The following ZYG11A variants were observed in gnomAD, a reference collection of about 807,000 sequenced individuals.
The protein encoded by ZYG11A is zyg-11 family member A, cell cycle regulator, also known as protein zyg-11 homolog A.
ZYG11A carries 62 observed loss-of-function variants against 77.2 expected under a neutral mutation model. The observed-to-expected ratio is 0.80, with a 90% CI of 0.65 to 0.99. The LOEUF (loss-of-function observed/expected upper bound fraction) is 0.99, where lower values mean the gene tolerates loss of function less well. ZYG11A is among the 50% of genes least tolerant of loss of function. The pLI is 0.00. For synonymous variants in ZYG11A, 315 were observed against 324.6 expected (o/e 0.97, Z 0.32); for missense variants, 828 against 896.8 (o/e 0.92, Z 0.98).
chr1:52,860,726 T>A lies in ZYG11A; in HGVS notation c.1009-5T>A, dbSNP rs1645911423. The stretch of plus-strand genomic sequence containing the variant: ...AAACCTGTTTGGTAACATCTTTATT[T>A]TCAGGTTGCTGGAGGAGCCAGTATG... On this transcript the variant is annotated splice_polypyrimidine_tract_variant and splice_region_variant and intron_variant, in intron 3 of 13. Transcript: ENST00000371528. The A allele has an allele frequency of 6.5e-7, 1 of 1,549,802 alleles. No homozygotes were observed. Among genetic ancestry groups the A allele is most frequent in the Non-Finnish European group, 8.7e-7 (1 of 1,146,586 alleles).
intron 13 of ZYG11A, among the ~76,000 whole-genome samples, chr1:52,890,758 C>T (rs1646531690): frequency 6.6e-6 from 1 of 151,808 alleles, no homozygotes; most frequent in Admixed American, 6.6e-5. Context: ...GCATCACACC[C>T]AGCTAATTTT....
At chr1:52,845,157 C>T (rs1386420153) in intron 1 of ZYG11A, among the ~76,000 whole-genome samples, 1 of 152,034 alleles carries the variant, frequency 6.6e-6, no homozygotes, top group Non-Finnish European at 1.5e-5. Context: ...CCATCTTGAT[C>T]TCTAGCAATA....
chr1:52,865,968 C>A (rs150870597), intron 5 of ZYG11A, among the ~76,000 whole-genome samples: 7 of 132,060 alleles, frequency 5.3e-5, no homozygotes, highest in Non-Finnish European at 1.1e-4. Flanking sequence ...GATGGAGTCT[C>A]GCTCTGTCGC....
chr1:52,847,656 T>C (rs1645616860), intron 1 of ZYG11A, among the ~76,000 whole-genome samples: 1 of 151,212 alleles, frequency 6.6e-6, no homozygotes, highest in South Asian at 2.1e-4. Context: ...GTGTTTCCCC[T>C]GTACTGTACT....
chr1:52,869,867 C>T lies in ZYG11A; in HGVS notation c.1542+2090C>T, dbSNP rs531743117. On this transcript the variant is annotated intron_variant, in intron 8 of 13. Coordinates refer to ENST00000371528, the MANE Select transcript of ZYG11A (RefSeq NM_001004339.3). ...CTCCCGGACGGGACGGCTGACCCCCCCACACCTCCCTCCCGGACGGGGCGG... is the reference window on the plus strand; with the variant it reads ...CTCCCGGACGGGACGGCTGACCCCCTCACACCTCCCTCCCGGACGGGGCGG... Among the ~76,000 whole-genome samples, 366 of 149,084 alleles carry T rather than the reference C, an allele frequency of 2.5e-3. 7 individuals carry two copies. The highest frequency in any genetic ancestry group is 8.3e-3 in the African/African-American group (336 of 40,262).
chr1:52,861,059 G>A (rs1308957265), intron 4 of ZYG11A, among the ~76,000 whole-genome samples, 188 bp downstream of exon 4: 2 of 152,114 alleles, frequency 1.3e-5, no homozygotes, highest in Non-Finnish European at 2.9e-5. Flanking sequence ...GATTTATGTG[G>A]AATAAATTAG....
chr1:52,847,448 C>T (rs1645611495), intron 1 of ZYG11A, among the ~76,000 whole-genome samples: 1 of 151,738 alleles, frequency 6.6e-6, no homozygotes, highest in South Asian at 2.1e-4. Context: ...GATCGGCCCG[C>T]CTTGGCCTCC....
intron 1 of ZYG11A, among the ~76,000 whole-genome samples, chr1:52,845,370 A>G (rs1395081187): frequency 1.3e-5 from 2 of 151,278 alleles, no homozygotes; most frequent in African/African-American, 2.4e-5. Context: ...CAGTGGTACA[A>G]TCTTGACTCA....
In ZYG11A at chr1:52,864,133, G is replaced by C. The variant is rs753236773; in HGVS notation, c.1302G>C (p.Leu434=). 2 of 1,551,118 alleles carry C rather than the reference G, an allele frequency of 1.3e-6. No individual in the cohort carries two copies. The highest frequency in any genetic ancestry group is 1.7e-6 in the Non-Finnish European group (2 of 1,146,864). ...SEVTCLLFKA[L]KNFPHYQQLQ... ...TCACCTGTCTACTTTTCAAGGCTCTGAAAAATTTCCCCCATTACCAGCAGG... is the reference window on the plus strand; with the variant it reads ...TCACCTGTCTACTTTTCAAGGCTCTCAAAAATTTCCCCCATTACCAGCAGG... Residue 434 remains leucine, a synonymous_variant, in exon 5 of 14, where the codon CTG becomes CTC. Transcript: ENST00000371528.
At chr1:52,885,811 C>T in intron 11 of ZYG11A, 22 bp from the exon 12 acceptor site, 2 of 1,509,032 alleles carry the variant, frequency 1.3e-6, no homozygotes, top group Admixed American at 2.4e-5. Context: ...ATGTTGGTTT[C>T]TCTCTCTTGT....
chr1:52,851,651 C>G (rs1397073829), intron 1 of ZYG11A, among the ~76,000 whole-genome samples: 1 of 152,136 alleles, frequency 6.6e-6, no homozygotes, highest in Non-Finnish European at 1.5e-5. Context: ...CAGTCTGCCT[C>G]TGCCTCCCAA....
At chr1:52,869,985 G>A (rs1571862933) in intron 8 of ZYG11A, among the ~76,000 whole-genome samples, 1 of 148,536 alleles carries the variant, frequency 6.7e-6, no homozygotes, top group Non-Finnish European at 1.5e-5. Context: ...CCCCCCTCCC[G>A]GGCGGGGCGG....
At chr1:52,867,075 T>C (rs1646040847) in intron 6 of ZYG11A, among the ~76,000 whole-genome samples, 1 of 152,236 alleles carries the variant, frequency 6.6e-6, no homozygotes, top group African/African-American at 2.4e-5. Context: ...AAAACATTTA[T>C]AATAGTTGAC....
Position 52,842,933 on chromosome 1 carries a change from C to T in ZYG11A, c.50C>T (p.Pro17Leu), listed in dbSNP as rs1558153331. 1 of 1,530,174 alleles carries T rather than the reference C, an allele frequency of 6.5e-7. No homozygotes were observed. Among genetic ancestry groups the T allele is most frequent in the Non-Finnish European group, 8.8e-7 (1 of 1,138,120 alleles). 94.8% of individuals were successfully genotyped at this position (1,530,174 alleles called of 1,614,324 possible). A position where few individuals can be genotyped will look rare whatever the true frequency, so the allele number is the denominator to read the frequency against. ...PGHTPRNIVPPDAQKDALGCC... is the reference protein window; with the variant it reads ...PGHTPRNIVPLDAQKDALGCC... ...CACACGCCCCGGAACATCGTCCCTC[C>T]TGACGCTCAGAAGGATGCCCTGGGC... Residue 17 changes from proline to leucine, a missense_variant, in exon 1 of 14, where the codon CCT becomes CTT. By Grantham distance (98) the Pro-to-Leu change is moderately conservative. Coordinates refer to ENST00000371528, the MANE Select transcript of ZYG11A (RefSeq NM_001004339.3).
intron 12 of ZYG11A, among the ~76,000 whole-genome samples, chr1:52,886,699 A>ATTTTTTTTTTT (rs386366962): frequency 2.9e-5 from 2 of 69,104 alleles, no homozygotes; most frequent in African/African-American, 6.4e-5. Context: ...GGCCCAGCTA[A>ATTTTTTTTTTT]TTTTTTTTTT....
chr1:52,876,288 G>A (rs187706000), intron 8 of ZYG11A, among the ~76,000 whole-genome samples: 4 of 152,130 alleles, frequency 2.6e-5, no homozygotes, highest in Non-Finnish European at 4.4e-5. Context: ...TTAATATGTT[G>A]AATGTTGGGA....
intron 11 of ZYG11A, 79 bp from the exon 12 acceptor site, chr1:52,885,754 C>T (rs771734468): frequency 2.8e-6 from 3 of 1,089,970 alleles, no homozygotes; most frequent in Admixed American, 2.7e-5. Context: ...TTTGTTCAAT[C>T]GTTCCCAGAT....
chr1:52,842,842 C>CGACGCCGGCTCTCTTTTT lies in ZYG11A; in HGVS notation c.-35_-18dup, dbSNP rs1645473416. 2 of 1,515,204 alleles carry CGACGCCGGCTCTCTTTTT rather than the reference C, an allele frequency of 1.3e-6. No individual in the cohort carries two copies. The highest frequency in any genetic ancestry group is 2.9e-5 in the African/African-American group (2 of 69,770). The allele number at this position is 1,515,204 out of a possible 1,614,324, so 93.9% of individuals were successfully genotyped here. ...TTCTCGCGGGATCCGGGCTCCGGCT[C>CGACGCCGGCTCTCTTTTT]GACGCCGGCTCTCTTTTTGACGCCC... On this transcript the variant is annotated 5_prime_UTR_variant, in exon 1 of 14. Coordinates refer to ENST00000371528, the MANE Select transcript of ZYG11A (RefSeq NM_001004339.3).
At chr1:52,855,071 A>G (rs932216391) in intron 2 of ZYG11A, among the ~76,000 whole-genome samples, 1 of 152,074 alleles carries the variant, frequency 6.6e-6, no homozygotes, top group Non-Finnish European at 1.5e-5. Context: ...CACTTTGGTC[A>G]GGCTGGTCTT....
Sources: allele counts gnomAD v4.1 joint callset (sites outside exome capture counted in the v4.1 genomes callset), GRCh38; gene constraint gnomAD v4.1.1; transcripts MANE v1.5; gene names NCBI Gene and HGNC (gene_info 2026-07-23, HGNC 2026-07-21).